QRICH1: variants seen among roughly 807,000 people sequenced by gnomAD.
QRICH1 encodes the protein transcriptional regulator QRICH1.
In QRICH1, 16 loss-of-function variants were observed where a neutral mutation model predicts 87.1. That is an observed-to-expected ratio of 0.18 (90% CI 0.12 to 0.28). QRICH1 has a LOEUF of 0.28. QRICH1 is among the 10% of genes least tolerant of loss of function. The pLI, the probability that QRICH1 is intolerant of heterozygous loss-of-function variation, is 1.00. For synonymous variants in QRICH1, 367 were observed against 368.4 expected (o/e 1.00, Z 0.05); for missense variants, 647 against 951.7 (o/e 0.68, Z 4.21).
chr3:49,041,718 C>A (rs2093311383), intron 6 of QRICH1, among the ~76,000 whole-genome samples: 1 of 151,908 alleles, frequency 6.6e-6, no homozygotes, highest in Non-Finnish European at 1.5e-5. Context: ...GCAACCTCTG[C>A]CTCCCTGGTT....
Position 49,088,233 on chromosome 3 carries a change from G to A in QRICH1, c.-22+5679C>T, listed in dbSNP as rs546029891. On this transcript the variant is annotated intron_variant, in intron 1 of 9. Coordinates refer to ENST00000395443, the MANE Select transcript of QRICH1 (RefSeq NM_198880.3). Reference sequence around the variant, plus strand: ...CTCCCAAAGTGGTGGGATTACAGGCGTGAGCCACCGTGCCCGACCAGAATT... The same window carrying A: ...CTCCCAAAGTGGTGGGATTACAGGCATGAGCCACCGTGCCCGACCAGAATT... Among the ~76,000 whole-genome samples, 50 of 151,460 alleles carry A rather than the reference G, an allele frequency of 3.3e-4. 1 individual carries two copies. Among genetic ancestry groups the A allele is most frequent in the Admixed American group, 1.8e-3 (28 of 15,220 alleles).
At chr3:49,069,374 T>C (rs1168103500) in intron 2 of QRICH1, among the ~76,000 whole-genome samples, 1 of 151,880 alleles carries the variant, frequency 6.6e-6, no homozygotes, top group East Asian at 1.9e-4. Context: ...AGTGCTGGGA[T>C]TAGAGGCATG....
intron 9 of QRICH1, among the ~76,000 whole-genome samples, chr3:49,030,896 A>T (rs867163494): frequency 7.9e-5 from 12 of 151,364 alleles, no homozygotes; most frequent in Non-Finnish European, 1.2e-4. Flanking sequence ...CACTGACTGC[A>T]CCAGCCTAGG....
chr3:49,050,248 C>CAAAAAAAAAAAAAAAAAAAAAAAAAA (rs527597101), intron 3 of QRICH1, among the ~76,000 whole-genome samples: 10 of 52,412 alleles, frequency 1.9e-4, no homozygotes, highest in Non-Finnish European at 3.0e-4. Flanking sequence ...GACTCCGTCT[C>CAAAAAAAAAAAAAAAAAAAAAAAAAA]AAAAAAAAAA....
At chr3:49,071,294 G>T (rs1473984418) in intron 2 of QRICH1, among the ~76,000 whole-genome samples, 1 of 152,104 alleles carries the variant, frequency 6.6e-6, no homozygotes. Flanking sequence ...TCAATCTCCT[G>T]ATCGGCCTCC....
At position 49,029,980 on chromosome 3, in the gene QRICH1, TC is replaced by T. The variant is rs1305544938; in HGVS notation, c.*471del. ...TCATAATTGAAGTTCCCCTCATTTT[TC>T]TTCCATTAAGATGCTAAGTTTATGT... is the stretch of plus-strand genomic sequence containing the variant. On this transcript the variant is annotated 3_prime_UTR_variant, in exon 10 of 10. Coordinates refer to ENST00000395443, the MANE Select transcript of QRICH1 (RefSeq NM_198880.3). 1 of 198,502 alleles carries T rather than the reference TC, an allele frequency of 5.0e-6. No individual in the cohort carries two copies. Among genetic ancestry groups the T allele is most frequent in the African/African-American group, 2.3e-5 (1 of 43,218 alleles). 12.3% of individuals were successfully genotyped at this position (198,502 alleles called of 1,614,324 possible). A position where few individuals can be genotyped will look rare whatever the true frequency, so the allele number is the denominator to read the frequency against.
intron 2 of QRICH1, among the ~76,000 whole-genome samples, chr3:49,073,344 C>G (rs1393464692): frequency 6.6e-6 from 1 of 151,974 alleles, no homozygotes; most frequent in Admixed American, 6.6e-5. Context: ...AGTTCAAGAC[C>G]AGCCTGACCA....
intron 2 of QRICH1, among the ~76,000 whole-genome samples, chr3:49,058,331 GT>G (rs1472806838): frequency 1.3e-5 from 2 of 149,138 alleles, no homozygotes; most frequent in African/African-American, 5.0e-5. Flanking sequence ...CAAAACTTTG[GT>G]TCTTTTTTTT....
At chr3:49,032,888 C>A (rs1358143251) in intron 7 of QRICH1, 115 bp from the exon 8 acceptor site, 1 of 1,304,510 alleles carries the variant, frequency 7.7e-7, no homozygotes, top group South Asian at 1.5e-5. Flanking sequence ...AAGATCTGGG[C>A]AGGCCCGTAC....
At chr3:49,032,593 T>G (rs745806939) in intron 8 of QRICH1, 29 bp downstream of exon 8, 2 of 1,541,510 alleles carry the variant, frequency 1.3e-6, no homozygotes, top group East Asian at 4.6e-5. Context: ...GTAGCACCTG[T>G]TTTTGCCATC....
In QRICH1 at chr3:49,030,639, T is replaced by G. The variant is rs1268320265; in HGVS notation, c.2144A>C (p.Gln715Pro). ...LYDFYLFKCP[Q>P]SVKGRNDTFY... ...GGTGTCATTCCGGCCTTTCACACTC[T>G]GGGGGCTGAAGAATATGCGGATAAA... Residue 715 changes from glutamine (Q) to proline (P), a missense_variant, in exon 10 of 10, where the codon CAG becomes CCG. Transcript: ENST00000395443. 1 of 1,569,578 alleles carries G rather than the reference T, an allele frequency of 6.4e-7. No homozygotes were observed. Among genetic ancestry groups the G allele is most frequent in the Non-Finnish European group, 8.6e-7 (1 of 1,156,600 alleles).
At chr3:49,075,058 A>G (rs745427909) in intron 2 of QRICH1, among the ~76,000 whole-genome samples, 2 of 152,050 alleles carry the variant, frequency 1.3e-5, no homozygotes, top group South Asian at 2.1e-4. Flanking sequence ...ATGGCAGCTC[A>G]TATTTGTAAT....
intron 2 of QRICH1, among the ~76,000 whole-genome samples, chr3:49,074,686 T>A (rs948269061): frequency 7.9e-5 from 12 of 151,542 alleles, no homozygotes; most frequent in African/African-American, 2.4e-4. Flanking sequence ...ACAGCAAAGA[T>A]CAAATATTTG....
intron 2 of QRICH1, among the ~76,000 whole-genome samples, chr3:49,061,685 T>C (rs2093435890): frequency 1.3e-5 from 2 of 151,876 alleles, no homozygotes; most frequent in Non-Finnish European, 2.9e-5. Flanking sequence ...AAACCCCGTC[T>C]CTACTAAAAA....
chr3:49,058,046 C>T, intron 2 of QRICH1, 156 bp from the exon 3 acceptor site: 2 of 1,319,186 alleles, frequency 1.5e-6, no homozygotes, highest in Non-Finnish European at 2.1e-6. Flanking sequence ...ATACGTAAGA[C>T]TAGATCCAGG....
At chr3:49,071,847 C>A (rs564040007) in intron 2 of QRICH1, among the ~76,000 whole-genome samples, 77 of 152,284 alleles carry the variant, frequency 5.1e-4, no homozygotes, top group African/African-American at 1.9e-3. Context: ...AGCAAGCCAC[C>A]ATACCCAGTT....
intron 2 of QRICH1, among the ~76,000 whole-genome samples, chr3:49,076,001 T>C (rs1258150054): frequency 6.6e-6 from 1 of 152,020 alleles, no homozygotes; most frequent in African/African-American, 2.4e-5. Context: ...CCCAGCACTT[T>C]TGGATAAGGA....
chr3:49,048,495 A>G (rs981927885), intron 3 of QRICH1, among the ~76,000 whole-genome samples: 2 of 151,056 alleles, frequency 1.3e-5, no homozygotes, highest in Non-Finnish European at 3.0e-5. Flanking sequence ...AAAAAAAAAA[A>G]AAACCCACCC....
chr3:49,094,294 A>G, upstream of QRICH1: 1 of 362,038 alleles, frequency 2.8e-6, no homozygotes, highest in Non-Finnish European at 4.9e-6. Flanking sequence ...CTAGTAGTGG[A>G]GTCTCGGAAG....
Sources: allele counts gnomAD v4.1 joint callset (sites outside exome capture counted in the v4.1 genomes callset), GRCh38; gene constraint gnomAD v4.1.1; transcripts MANE v1.5; gene names NCBI Gene and HGNC (gene_info 2026-07-23, HGNC 2026-07-21).